Variants in CERS3 observed in about 807,000 individuals in gnomAD.
The protein encoded by CERS3 is ceramide synthase 3.
Under a neutral mutation model 50.3 loss-of-function variants are expected in CERS3, and 33 were observed. The observed-to-expected ratio is 0.66, with a 90% confidence interval of 0.50 to 0.88. CERS3 has a LOEUF of 0.88. CERS3 is among the 40% of genes least tolerant of loss of function. The pLI is 0.00. For missense variants in CERS3, 470 were observed against 460.3 expected (o/e 1.02, Z -0.19); for synonymous variants, 176 against 155.2 (o/e 1.13, Z -0.99).
chr15:100,467,843 A>ACACG (rs1249465124), intron 10 of CERS3, among the ~76,000 whole-genome samples: 1 of 122,696 alleles, frequency 8.2e-6, no homozygotes, highest in Non-Finnish European at 1.6e-5. Context: ...ACGTGTATAT[A>ACACG]TATATATATA....
rs374945905 is a variant in CERS3, at chr15:100,523,151, T to G, written c.-91-1395A>C. ...TCTGTGAAGTACCTGTTCAAACCTC[T>G]TGCCCATTTTTCTGTTGTGGCGGTC... On this transcript the variant is annotated intron_variant, in intron 1 of 11. Coordinates refer to ENST00000679737, the MANE Select transcript of CERS3 (RefSeq NM_001378789.1). Among the ~76,000 whole-genome samples the G allele has an allele frequency of 3.3e-5, 5 of 152,366 alleles. 1 individual carries two copies. Among genetic ancestry groups the G allele is most frequent in the African/African-American group, 1.2e-4 (5 of 41,598 alleles).
intron 11 of CERS3, among the ~76,000 whole-genome samples, chr15:100,454,869 G>A (rs755000478): frequency 2.1e-4 from 32 of 151,894 alleles, no homozygotes; most frequent in Non-Finnish European, 4.3e-4. Context: ...CAGCTCAACA[G>A]TAAAACAACA....
chr15:100,428,790 T>C (rs1267706759), intron 11 of CERS3, among the ~76,000 whole-genome samples: 2 of 152,240 alleles, frequency 1.3e-5, no homozygotes, highest in Non-Finnish European at 1.5e-5. Flanking sequence ...ACAGGTTTGA[T>C]GCATGTTAGG....
At chr15:100,432,021 G>A (rs2033160741) in intron 11 of CERS3, among the ~76,000 whole-genome samples, 1 of 151,974 alleles carries the variant, frequency 6.6e-6, no homozygotes, top group African/African-American at 2.4e-5. Flanking sequence ...ACGTTTTCAT[G>A]AGCTGCCTTG....
Position 100,473,015 on chromosome 15 carries a change from A to G in CERS3, c.647T>C (p.Ile216Thr). The change falls in exon 9 of 12, where the codon ATT (isoleucine) becomes ACT (threonine). Residue 216 changes from isoleucine (I) to threonine (T), a missense_variant. Coordinates refer to ENST00000679737, the MANE Select transcript of CERS3 (RefSeq NM_001378789.1). ...ACACCAAGAGAAGCTCATCAGACTA[A>G]TAGCAGCCAGGTGGTGGATGATATG... is the stretch of plus-strand genomic sequence containing the variant. ...LAHIIHHLAAISLMSFSWCAN... is the reference protein window; with the variant it reads ...LAHIIHHLAATSLMSFSWCAN... 1.2e-6 allele frequency: 2 copies of G among 1,613,952 alleles called. No homozygotes were observed. The highest frequency in any genetic ancestry group is 1.7e-6 in the Non-Finnish European group (2 of 1,179,928).
At chr15:100,543,669 A>G (rs2037259364) in intron 1 of CERS3, among the ~76,000 whole-genome samples, 2 of 151,932 alleles carry the variant, frequency 1.3e-5, no homozygotes, top group South Asian at 4.1e-4. Context: ...AGCTGGGATC[A>G]CAGGTGCCCA....
chr15:100,520,707 G>C (rs918266590), intron 2 of CERS3, among the ~76,000 whole-genome samples: 2 of 152,118 alleles, frequency 1.3e-5, no homozygotes, highest in African/African-American at 4.8e-5. Context: ...AAAATGACAG[G>C]CCCAAGGCAG....
intron 11 of CERS3, among the ~76,000 whole-genome samples, chr15:100,415,042 A>G (rs1399931449): frequency 6.6e-6 from 1 of 152,216 alleles, no homozygotes; most frequent in Non-Finnish European, 1.5e-5. Context: ...CCCATCTGGC[A>G]AAGGGCTAAT....
intron 11 of CERS3, among the ~76,000 whole-genome samples, chr15:100,443,611 T>C (rs2033802125): frequency 6.7e-6 from 1 of 148,500 alleles, no homozygotes; most frequent in East Asian, 2.0e-4. Flanking sequence ...GGACTGACCC[T>C]GACACCCATC....
At chr15:100,476,882 G>A (rs1460870870) in intron 7 of CERS3, among the ~76,000 whole-genome samples, 1 of 152,174 alleles carries the variant, frequency 6.6e-6, no homozygotes, top group Non-Finnish European at 1.5e-5. Context: ...TGGTCAAGGA[G>A]ACATAAGCAA....
intron 11 of CERS3, among the ~76,000 whole-genome samples, chr15:100,414,827 A>G (rs2031770609): frequency 6.6e-6 from 1 of 151,726 alleles, no homozygotes; most frequent in Non-Finnish European, 1.5e-5. Flanking sequence ...ATTAAAAAAA[A>G]AAAACCCTGG....
At chr15:100,448,577 T>C (rs72757288) in intron 11 of CERS3, among the ~76,000 whole-genome samples, 19,691 of 152,208 alleles carry the variant, frequency 0.13, 1,451 homozygotes, top group Admixed American at 0.22. Flanking sequence ...ACATACCCCC[T>C]GAGTCCTAAG....
intron 1 of CERS3, among the ~76,000 whole-genome samples, chr15:100,527,881 A>G (rs537763918): frequency 6.2e-4 from 33 of 52,822 alleles, no homozygotes; most frequent in Non-Finnish European, 1.6e-3. Context: ...TTTCTCTTTA[A>G]AGAACTTTTT....
intron 9 of CERS3, among the ~76,000 whole-genome samples, chr15:100,471,883 A>G (rs1464111706): frequency 6.6e-6 from 1 of 152,228 alleles, no homozygotes; most frequent in African/African-American, 2.4e-5. Flanking sequence ...CTGGTAAATT[A>G]CAGTCCCCCC....
intron 1 of CERS3, among the ~76,000 whole-genome samples, chr15:100,541,245 G>A (rs185763186): frequency 1.6e-3 from 246 of 152,316 alleles, no homozygotes; most frequent in Non-Finnish European, 3.0e-3. Flanking sequence ...CCTCAGGCGG[G>A]TGGATCACCT....
intron 1 of CERS3, among the ~76,000 whole-genome samples, chr15:100,541,343 A>T (rs1246896445): frequency 1.3e-5 from 2 of 152,156 alleles, no homozygotes. Context: ...GTGATGGCGC[A>T]TGCCTGTAAT....
intron 4 of CERS3, among the ~76,000 whole-genome samples, chr15:100,488,728 T>C (rs1349520165): frequency 1.3e-5 from 2 of 152,206 alleles, no homozygotes; most frequent in Non-Finnish European, 2.9e-5. Context: ...CTTATATTCC[T>C]TCACCTTTTT....
At chr15:100,416,614 G>A (rs2031929315) in intron 11 of CERS3, among the ~76,000 whole-genome samples, 2 of 152,190 alleles carry the variant, frequency 1.3e-5, no homozygotes, top group South Asian at 4.1e-4. Context: ...TTCTTCACAT[G>A]GCAGCAGGAG....
intron 9 of CERS3, among the ~76,000 whole-genome samples, chr15:100,472,001 G>A (rs536120763): frequency 1.3e-5 from 2 of 152,274 alleles, no homozygotes; most frequent in South Asian, 2.1e-4. Context: ...GAGATCATAC[G>A]CAGCCCACAA....
Sources: allele counts gnomAD v4.1 joint callset (sites outside exome capture counted in the v4.1 genomes callset), GRCh38; gene constraint gnomAD v4.1.1; transcripts MANE v1.5; gene names NCBI Gene and HGNC (gene_info 2026-07-23, HGNC 2026-07-21).